LIX1: variants seen among roughly 807,000 people sequenced by gnomAD.
LIX1 encodes the protein limb and CNS expressed 1.
A neutral mutation model predicts 33.4 loss-of-function variants in LIX1; 24 were observed. The observed-to-expected ratio is 0.72, with a 90% CI of 0.52 to 1.01. The LOEUF (loss-of-function observed/expected upper bound fraction) is 1.01. Ranked by LOEUF, LIX1 falls within the 50% of genes least tolerant of loss-of-function variation. LIX1 has a pLI of 0.00. For missense variants in LIX1, 311 were observed against 339.2 expected, an observed-to-expected ratio of 0.92 and a Z score of 0.65; for synonymous variants, 124 against 124.0, an observed-to-expected ratio of 1.00 and a Z score of 0.00.
chr5:97,099,481 A>G (rs1343817748), intron 4 of LIX1, among the ~76,000 whole-genome samples: 1 of 152,186 alleles, frequency 6.6e-6, no homozygotes, highest in Non-Finnish European at 1.5e-5. Context: ...TTTTGGTTTT[A>G]TGTCTTATAA....
intron 3 of LIX1, among the ~76,000 whole-genome samples, chr5:97,105,562 A>T (rs1746970211): frequency 6.6e-6 from 1 of 152,214 alleles, no homozygotes; most frequent in South Asian, 2.1e-4. Flanking sequence ...TGGTGTTAAC[A>T]TTTGCATGGC....
At position 97,107,343 on chromosome 5, in the gene LIX1, C is replaced by A. The variant is rs536987358; in HGVS notation, c.387+17G>T. On this transcript the variant is annotated intron_variant, in intron 3 of 5. Transcript: ENST00000274382. ...TCTCAGTGCAGCCATCTCCTGCCCT[C>A]CATGGTGGGTACTCACGCTGGTGGA... The A allele has an allele frequency of 1.1e-5, 17 of 1,610,174 alleles. No individual in the cohort carries two copies. In the African/African-American group the frequency reaches 2.0e-4, roughly 19 times the overall value.
At chr5:97,111,970 A>C (rs955835048) in intron 2 of LIX1, among the ~76,000 whole-genome samples, 10 of 152,254 alleles carry the variant, frequency 6.6e-5, no homozygotes, top group African/African-American at 2.4e-4. Context: ...ATCTTTGCTT[A>C]AAACGGGGGA....
intron 2 of LIX1, among the ~76,000 whole-genome samples, chr5:97,120,582 G>A (rs1428439165): frequency 6.6e-6 from 1 of 152,180 alleles, no homozygotes; most frequent in Non-Finnish European, 1.5e-5. Context: ...TCAGGGTTTA[G>A]ACATGAAGAG....
intron 1 of LIX1, chr5:97,137,173 T>C (rs1748190466): frequency 4.6e-6 from 2 of 435,862 alleles, no homozygotes; most frequent in East Asian, 7.2e-5. Flanking sequence ...TAAAATTGAG[T>C]TCAGACTAAC....
At chr5:97,120,636 G>A (rs1200440237) in intron 2 of LIX1, among the ~76,000 whole-genome samples, 2 of 152,134 alleles carry the variant, frequency 1.3e-5, no homozygotes, top group Admixed American at 1.3e-4. Context: ...ATGTGAGTAT[G>A]GGAATGGTTA....
In LIX1 at chr5:97,095,068, A is replaced by G. The variant is rs1414141680; in HGVS notation, c.562-33T>C. 7.5e-6 allele frequency: 12 copies of G among 1,599,552 alleles called. No homozygotes were observed. The African/African-American group carries it at 8.1e-5, about 11-fold the overall frequency. Reference sequence around the variant, plus strand: ...CCAAGAAACAAAGTCCAGGGTGTCAATAAAAAGCAACAAAGGCACCCGTCC... The same window carrying G: ...CCAAGAAACAAAGTCCAGGGTGTCAGTAAAAAGCAACAAAGGCACCCGTCC... On this transcript the variant is annotated intron_variant, in intron 5 of 5. Transcript: ENST00000274382.
chr5:97,105,366 A>C, intron 3 of LIX1, 81 bp from the exon 4 acceptor site: 1 of 1,180,628 alleles, frequency 8.5e-7, no homozygotes, highest in Non-Finnish European at 1.2e-6. Context: ...TTCTGTGACC[A>C]CACAGTAAGC....
At chr5:97,134,410 G>A (rs1306676255) in intron 1 of LIX1, among the ~76,000 whole-genome samples, 1 of 152,212 alleles carries the variant, frequency 6.6e-6, no homozygotes, top group Non-Finnish European at 1.5e-5. Flanking sequence ...GTGAGCCACC[G>A]TGCCCGGCAG....
chr5:97,102,910 G>T lies in LIX1; in HGVS notation c.483+2280C>A. 1.4e-5 allele frequency: 5 copies of T among 355,302 alleles called. 1 individual carries two copies. The highest frequency in any genetic ancestry group is 1.1e-4 in the South Asian group (5 of 45,736). 22.0% of individuals were successfully genotyped at this position (355,302 alleles called of 1,614,324 possible). A position where few individuals can be genotyped will look rare whatever the true frequency, so the allele number is the denominator to read the frequency against. ...ACAATATTATTTGGAGGGGGAACAGGAATTAAATGAAATTCCTGCTTAGGG... is the reference window on the plus strand; with the variant it reads ...ACAATATTATTTGGAGGGGGAACAGTAATTAAATGAAATTCCTGCTTAGGG... On this transcript the variant is annotated intron_variant, in intron 4 of 5. Transcript: ENST00000274382.
rs573302625 is a variant in LIX1, at chr5:97,124,640, C to T, written c.83-11G>A. 2.9e-5 allele frequency: 47 copies of T among 1,601,886 alleles called. 1 individual carries two copies. In the African/African-American group the frequency reaches 3.1e-4, roughly 11 times the overall value. On this transcript the variant is annotated splice_polypyrimidine_tract_variant and intron_variant, in intron 1 of 5. Transcript: ENST00000274382. The stretch of plus-strand genomic sequence containing the variant: ...TTGACACAACGTTCACTGAAAAAGA[C>T]AAGAAACACCATCAGTTATTAAGGA...
Position 97,096,814 on chromosome 5 carries a change from C to A in LIX1, c.557G>T (p.Arg186Leu). ...LKALRETKCS[R>L]QEVISYYSQY... ...GACTTGATTAGAAAATCTTACCTGT[C>A]GGGAACACTTTGTTTCACGAAGGGC... Residue 186 changes from arginine (R) to leucine (L), a missense_variant, in exon 5 of 6, where the codon CGA becomes CTA. Physicochemically the swap from Arg to Leu is moderately radical, Grantham distance 102. Coordinates refer to ENST00000274382, the MANE Select transcript of LIX1 (RefSeq NM_153234.5). 1.2e-6 allele frequency: 2 copies of A among 1,612,064 alleles called. No individual in the cohort carries two copies. Among genetic ancestry groups the A allele is most frequent in the South Asian group, 1.1e-5 (1 of 91,026 alleles).
At position 97,093,958 on chromosome 5, in the gene LIX1, G is replaced by A. The variant is rs569261323; in HGVS notation, c.*790C>T. 1 of 152,312 alleles carries A rather than the reference G, an allele frequency of 6.6e-6. No individual in the cohort carries two copies. The highest frequency in any genetic ancestry group is 1.5e-5 in the Non-Finnish European group (1 of 67,990). The allele number at this position is 152,312 out of a possible 1,614,324, so 9.4% of individuals were successfully genotyped here. A position where few individuals can be genotyped will look rare whatever the true frequency, so the allele number is the denominator to read the frequency against. On this transcript the variant is annotated 3_prime_UTR_variant, in exon 6 of 6. Transcript: ENST00000274382. ...ATATGTTTGCAGTGGCAAAAAATAAGAACAAATTAGTTCAGGTTATCGATT... is the reference window on the plus strand; with the variant it reads ...ATATGTTTGCAGTGGCAAAAAATAAAAACAAATTAGTTCAGGTTATCGATT...
In LIX1 at chr5:97,110,400, T is replaced by C. The variant is rs150348212; in HGVS notation, c.247-2900A>G. ...AATTAAGGGCAGGCAGAAGAAGATA[T>C]TATAACTTACAATAAAGAGTGATTT... On this transcript the variant is annotated intron_variant, in intron 2 of 5. Coordinates refer to ENST00000274382, the MANE Select transcript of LIX1 (RefSeq NM_153234.5). Among the ~76,000 whole-genome samples, 330 of 152,332 alleles carry C rather than the reference T, an allele frequency of 2.2e-3. 1 individual carries two copies. The highest frequency in any genetic ancestry group is 7.7e-3 in the African/African-American group (320 of 41,572).
At chr5:97,137,022 C>A in intron 1 of LIX1, 1 of 366,694 alleles carries the variant, frequency 2.7e-6, no homozygotes, top group South Asian at 2.1e-5. Flanking sequence ...CTAAAGTTGT[C>A]TTACATTTCT....
intron 2 of LIX1, among the ~76,000 whole-genome samples, chr5:97,109,759 C>A (rs1172338182): frequency 1.3e-5 from 2 of 151,912 alleles, no homozygotes; most frequent in African/African-American, 4.8e-5. Flanking sequence ...TCTTCTCCCC[C>A]AAGTGCCCAA....
intron 1 of LIX1, chr5:97,137,079 A>G: frequency 4.5e-6 from 2 of 441,760 alleles, no homozygotes; most frequent in Middle Eastern, 3.3e-4. Context: ...TCATTTAAAC[A>G]GAAGATCATA....
intron 2 of LIX1, among the ~76,000 whole-genome samples, chr5:97,109,706 C>G (rs912609940): frequency 1.3e-5 from 2 of 152,020 alleles, no homozygotes; most frequent in Non-Finnish European, 2.9e-5. Flanking sequence ...ACAGTATACT[C>G]TGTATCCAAT....
At chr5:97,096,381 G>A (rs1467895523) in intron 5 of LIX1, among the ~76,000 whole-genome samples, 2 of 152,170 alleles carry the variant, frequency 1.3e-5, no homozygotes, top group Non-Finnish European at 2.9e-5. Context: ...CTTTTGGCAG[G>A]AATGGGAAAT....
Sources: allele counts gnomAD v4.1 joint callset (sites outside exome capture counted in the v4.1 genomes callset), GRCh38; gene constraint gnomAD v4.1.1; transcripts MANE v1.5; gene names NCBI Gene and HGNC (gene_info 2026-07-23, HGNC 2026-07-21).